The following PLEKHG1 variants were observed in gnomAD, a reference collection of about 807,000 sequenced individuals.
The protein encoded by PLEKHG1 is pleckstrin homology and RhoGEF domain containing G1.
PLEKHG1 carries 44 observed loss-of-function variants against 100.8 expected under a neutral mutation model. The observed-to-expected ratio is 0.44, with a 90% CI of 0.34 to 0.56. The LOEUF is 0.56. PLEKHG1 is among the 20% of genes least tolerant of loss of function. The pLI is 0.01. For synonymous variants in PLEKHG1, 640 were observed against 662.5 expected (o/e 0.97, Z 0.52); for missense variants, 1,545 against 1,720.9 (o/e 0.90, Z 1.81).
rs1781160932 is a variant in PLEKHG1, at chr6:150,709,390, C to T, written c.-98-24194C>T. ...AAAGCATTTTCCTGCACAAAGGCCA[C>T]ATGCTCCTGGTTTTGCATCAACCTG... is the stretch of plus-strand genomic sequence containing the variant. On this transcript the variant is annotated intron_variant, in intron 3 of 3. Coordinates refer to the PLEKHG1 transcript ENST00000367326. Among the ~76,000 whole-genome samples the T allele has an allele frequency of 2.0e-5, 3 of 152,190 alleles. No homozygotes were observed. The South Asian group carries it at 6.2e-4, about 32-fold the overall frequency.
At chr6:150,698,256 T>C (rs183521018) in intron 3 of PLEKHG1, among the ~76,000 whole-genome samples, 1 of 152,360 alleles carries the variant, frequency 6.6e-6, no homozygotes. Flanking sequence ...TTACATGTAG[T>C]GTTTCCTATG....
intron 1 of PLEKHG1, among the ~76,000 whole-genome samples, chr6:150,617,358 C>A (rs188765418): frequency 6.6e-6 from 1 of 152,228 alleles, no homozygotes; most frequent in Non-Finnish European, 1.5e-5. Flanking sequence ...GTTGAGTCAA[C>A]GGAATTGTTG....
At chr6:150,763,024 CT>C (rs60462437) in intron 2 of PLEKHG1, among the ~76,000 whole-genome samples, 39 of 76,502 alleles carry the variant, frequency 5.1e-4, no homozygotes, top group Admixed American at 3.8e-3. Context: ...GATAAAGCTT[CT>C]TTTTTTTTTT....
chr6:150,806,563 G>A (rs1787118989), intron 7 of PLEKHG1, among the ~76,000 whole-genome samples: 2 of 151,910 alleles, frequency 1.3e-5, no homozygotes, highest in East Asian at 1.9e-4. Context: ...GCACACGCCT[G>A]TAATCCCAGC....
chr6:150,739,669 AAAAAAAAC>A (rs1235227849), intron 2 of PLEKHG1, among the ~76,000 whole-genome samples: 1 of 151,450 alleles, frequency 6.6e-6, no homozygotes, highest in African/African-American at 2.4e-5. Context: ...CTCTGTCAAA[AAAAAAAAC>A]AAAAAAACAA....
intron 8 of PLEKHG1, 21 bp downstream of exon 9, chr6:150,809,308 T>C (rs1417162570): frequency 1.2e-6 from 2 of 1,612,150 alleles, no homozygotes; most frequent in African/African-American, 1.3e-5. Flanking sequence ...ACGCTGGCCA[T>C]GGGCAGGGAC....
intron 2 of PLEKHG1, among the ~76,000 whole-genome samples, chr6:150,741,334 T>C (rs1159696076): frequency 6.6e-6 from 1 of 152,188 alleles, no homozygotes; most frequent in African/African-American, 2.4e-5. Context: ...GTTGGGTTAT[T>C]TGCTCCAAAC....
chr6:150,738,937 T>C (rs139436277), intron 2 of PLEKHG1, among the ~76,000 whole-genome samples: 3,189 of 152,224 alleles, frequency 0.021, 48 homozygotes, highest in Middle Eastern at 0.085. Flanking sequence ...TGTGGAGAGA[T>C]AGAAATCCAT....
At chr6:150,676,241 G>T (rs565898254) in intron 3 of PLEKHG1, among the ~76,000 whole-genome samples, 1 of 152,324 alleles carries the variant, frequency 6.6e-6, no homozygotes, top group Admixed American at 6.5e-5. Flanking sequence ...GCCCACACAA[G>T]AATTTATATA....
intron 10 of PLEKHG1, among the ~76,000 whole-genome samples, chr6:150,817,630 T>C (rs1282966444): frequency 2.0e-5 from 3 of 148,674 alleles, no homozygotes; most frequent in African/African-American, 7.5e-5. Flanking sequence ...CAATCTCGGC[T>C]CACTGCAACC....
Position 150,609,972 on chromosome 6 carries a change from C to T in PLEKHG1, c.-204+9955C>T, listed in dbSNP as rs572187568. Among the ~76,000 whole-genome samples the T allele has an allele frequency of 2.7e-3, 414 of 152,280 alleles. 4 individuals are homozygous for T. Among genetic ancestry groups the T allele is most frequent in the Non-Finnish European group, 4.7e-3 (321 of 68,026 alleles). ...AGTTCCCCAAGAAAAGTACCCAAAG[C>T]GGCTCATGGCTCCAGGTGATGCTGT... On this transcript the variant is annotated intron_variant, in intron 1 of 3. Transcript: ENST00000367326.
intron 14 of PLEKHG1, chr6:150,827,799 A>G: frequency 7.0e-7 from 1 of 1,430,648 alleles, no homozygotes; most frequent in East Asian, 2.3e-5. Flanking sequence ...GTCAGTGGTG[A>G]AAACATATGA....
At chr6:150,751,065 A>G (rs1294243527) in intron 2 of PLEKHG1, among the ~76,000 whole-genome samples, 1 of 152,220 alleles carries the variant, frequency 6.6e-6, no homozygotes, top group Non-Finnish European at 1.5e-5. Context: ...TATTCATATA[A>G]TAGTTGGACA....
rs1041872983 is a variant in PLEKHG1, at chr6:150,683,051, A to G, written c.-99+32265A>G. On this transcript the variant is annotated intron_variant, in intron 3 of 3. Transcript: ENST00000367326. This position sits in a 1 kb window ranked among gnomAD's most constrained non-coding sequence, Gnocchi z 4.0. ...CTTCGTGCGCATCTTAACAGTTGACAACTACATCATCACAGCTTGACACAC... is the reference window on the plus strand; with the variant it reads ...CTTCGTGCGCATCTTAACAGTTGACGACTACATCATCACAGCTTGACACAC... Among the ~76,000 whole-genome samples the G allele has an allele frequency of 1.3e-5, 2 of 152,226 alleles. No homozygotes were observed. The highest frequency in any genetic ancestry group is 4.8e-5 in the African/African-American group (2 of 41,456).
intron 3 of PLEKHG1, among the ~76,000 whole-genome samples, chr6:150,703,840 C>G (rs1780900174): frequency 6.6e-6 from 1 of 152,102 alleles, no homozygotes; most frequent in South Asian, 2.1e-4. Context: ...TGTTTGATTG[C>G]TGTTTAGCAC....
chr6:150,614,941 T>C (rs1777003909), intron 1 of PLEKHG1, among the ~76,000 whole-genome samples: 2 of 152,202 alleles, frequency 1.3e-5, no homozygotes. Context: ...ATCCTGTAGG[T>C]CTGGAGGATT....
At chr6:150,809,703 T>C in exon 10 of PLEKHG1, 1 of 1,614,020 alleles carries the variant, frequency 6.2e-7, no homozygotes, top group Non-Finnish European at 8.5e-7. Context: ...AGACTGATTC[T>C]GGAGAACCAT....
At chr6:150,838,647 A>AC (rs1777356275) in intron 15 of PLEKHG1, among the ~76,000 whole-genome samples, 1 of 152,184 alleles carries the variant, frequency 6.6e-6, no homozygotes. Flanking sequence ...AGAATCCCCT[A>AC]CCCATAGCAT....
intron 3 of PLEKHG1, among the ~76,000 whole-genome samples, chr6:150,770,470 T>A (rs1007319278): frequency 6.6e-6 from 1 of 152,210 alleles, no homozygotes; most frequent in African/African-American, 2.4e-5. Context: ...GCATCAGTAT[T>A]TCTCAACCTG....
Sources: gnomAD v4.1 joint callset for allele counts (sites outside exome capture counted in the v4.1 genomes callset) on GRCh38, gnomAD v4.1.1 for gene constraint, Gnocchi (gnomAD v3.1) non-coding constraint, MANE v1.5 for transcripts, NCBI Gene and HGNC (gene_info 2026-07-23, HGNC 2026-07-21) for gene names.